SLFN13: variants seen among roughly 807,000 people sequenced by gnomAD.
The protein encoded by SLFN13 is schlafen-13.
A neutral mutation model predicts 50.6 loss-of-function variants in SLFN13; 43 were observed. The observed-to-expected ratio is 0.85, with a 90% confidence interval of 0.67 to 1.09. SLFN13 has a LOEUF of 1.09. SLFN13 is among the 50% of genes least tolerant of loss of function. The pLI, the probability that SLFN13 is intolerant of heterozygous loss-of-function variation, is 0.00. For missense variants in SLFN13, 881 were observed against 1,071.1 expected, an observed-to-expected ratio of 0.82 and a Z score of 2.48; for synonymous variants, 339 against 386.5, an observed-to-expected ratio of 0.88 and a Z score of 1.44.
rs1912620425 is a variant in SLFN13, at chr17:35,435,358, G to GA, written c.*5236_*5237insT. ...TAGCCCACTGCAGCCTTCACCTCCTGGGCTCCAGTGATCCTCTCACCTCAG... is the reference window on the plus strand; with the variant it reads ...TAGCCCACTGCAGCCTTCACCTCCTGAGGCTCCAGTGATCCTCTCACCTCAG... On this transcript the variant is annotated 3_prime_UTR_variant, in exon 6 of 6. Transcript: ENST00000285013. The GA allele has an allele frequency of 6.6e-6, 1 of 152,020 alleles. No individual in the cohort carries two copies. The highest frequency in any genetic ancestry group is 1.5e-5 in the Non-Finnish European group (1 of 68,022). The allele number at this position is 152,020 out of a possible 1,614,324, so 9.4% of individuals were successfully genotyped here.
At chr17:35,442,737 C>T (rs1912989735) in intron 4 of SLFN13, among the ~76,000 whole-genome samples, 1 of 152,208 alleles carries the variant, frequency 6.6e-6, no homozygotes, top group East Asian at 1.9e-4. Context: ...GCCACCACGC[C>T]TTGCCTGGTG....
In SLFN13 at chr17:35,444,713, A is replaced by G; in HGVS notation, c.968T>C (p.Val323Ala). 2 of 1,614,226 alleles carry G rather than the reference A, an allele frequency of 1.2e-6. No homozygotes were observed. The highest frequency in any genetic ancestry group is 1.7e-6 in the Non-Finnish European group (2 of 1,180,030). ...CCATGACTTGGGAGCTTCCGAGAAC[A>G]CCACACAACAGAATGCCTTCACTTT... is the stretch of plus-strand genomic sequence containing the variant. ...VIKVKAFCCV[V>A]FSEAPKSWMV... is the part of the protein sequence containing the mutation. The change falls in exon 3 of 6, where the codon GTG becomes GCG. Residue 323 changes from valine to alanine, a missense_variant. Coordinates refer to ENST00000285013, the MANE Select transcript of SLFN13 (RefSeq NM_144682.6).
intron 5 of SLFN13, 31 bp downstream of exon 5, chr17:35,441,532 A>G: frequency 6.2e-7 from 1 of 1,611,426 alleles, no homozygotes; most frequent in Non-Finnish European, 8.5e-7. Flanking sequence ...AGATTAAATA[A>G]AACTTAAAGA....
chr17:35,446,641 T>C (rs1913229572), intron 2 of SLFN13: 1 of 152,218 alleles, frequency 6.6e-6, no homozygotes, highest in Admixed American at 6.5e-5. Flanking sequence ...CAAAGGAACC[T>C]ATATTAATTG....
At position 35,441,590 on chromosome 17, in the gene SLFN13, T is replaced by C; in HGVS notation, c.1895A>G (p.Glu632Gly). The C allele has an allele frequency of 1.2e-6, 2 of 1,602,312 alleles. No individual in the cohort carries two copies. Among genetic ancestry groups the C allele is most frequent in the East Asian group, 4.5e-5 (2 of 44,844 alleles). The change falls in exon 5 of 6, where the codon GAA becomes GGA. Residue 632 changes from glutamate (E) to glycine (G), a missense_variant. By Grantham distance (98) the Glu-to-Gly change is moderately conservative. This residue lies in a region of SLFN13 where 322 missense variants were observed against 327.4 expected (regional missense o/e 0.98). Coordinates refer to ENST00000285013, the MANE Select transcript of SLFN13 (RefSeq NM_144682.6). The stretch of plus-strand genomic sequence containing the variant: ...GATAAAGTTCCTCAGAGGCTGGTTT[T>C]CACAAACGTAGAGAATTCTGTGTGC... ...CEAHRILYVC[E>G]NQPLRNFISD... is the part of the protein sequence containing the mutation.
At position 35,436,015 on chromosome 17, in the gene SLFN13, T is replaced by C. The variant is rs1912635839; in HGVS notation, c.*4580A>G. 6.6e-6 allele frequency: 1 copy of C among 152,148 alleles called. No homozygotes were observed. Among genetic ancestry groups the C allele is most frequent in the Admixed American group, 6.5e-5 (1 of 15,286 alleles). 9.4% of individuals were successfully genotyped at this position (152,148 alleles called of 1,614,324 possible). ...GGTGTATTATCACTTTTACAAATTG[T>C]TGGATTTTGTTTGCTAAAATTTTGT... On this transcript the variant is annotated 3_prime_UTR_variant, in exon 6 of 6. Transcript: ENST00000285013.
upstream of SLFN13, among the ~76,000 whole-genome samples, chr17:35,449,132 G>A (rs1464812599): frequency 1.3e-5 from 2 of 151,854 alleles, no homozygotes; most frequent in Non-Finnish European, 2.9e-5. Context: ...TCAGATGCCC[G>A]GGAGGCTGAG....
At position 35,440,547 on chromosome 17, in the gene SLFN13, T is replaced by G; in HGVS notation, c.*48A>C. The G allele has an allele frequency of 6.3e-7, 1 of 1,591,106 alleles. No individual in the cohort carries two copies. The highest frequency in any genetic ancestry group is 8.6e-7 in the Non-Finnish European group (1 of 1,163,814). On this transcript the variant is annotated 3_prime_UTR_variant, in exon 6 of 6. Transcript: ENST00000285013. The stretch of plus-strand genomic sequence containing the variant: ...TCTACCATCAGCAGACTGTCACCCA[T>G]AGACATTTACACAGTATTTTGGTTT...
At position 35,441,361 on chromosome 17, in the gene SLFN13, C is replaced by T. The variant is rs887910799; in HGVS notation, c.1928G>A (p.Arg643Lys). 5.6e-6 allele frequency: 9 copies of T among 1,594,858 alleles called. No individual in the cohort carries two copies. In the East Asian group the frequency reaches 1.8e-4, roughly 32 times the overall value. The change falls in exon 6 of 6, where the codon AGA (arginine) becomes AAA (lysine). Residue 643 changes from arginine (R) to lysine (K), a missense_variant. Transcript: ENST00000285013. ...CCGGGTCTCTGCTCGGCAGATATTT[C>T]TATCACTGTAAAAATTAAAAGAATA... ...NQPLRNFISDRNICRAETRET... is the reference protein window; with the variant it reads ...NQPLRNFISDKNICRAETRET...
In SLFN13 at chr17:35,440,764, C is replaced by T. The variant is rs186998726; in HGVS notation, c.2525G>A (p.Cys842Tyr). The change falls in exon 6 of 6, where the codon TGT (cysteine) becomes TAT (tyrosine). Residue 842 changes from cysteine to tyrosine, a missense_variant. By Grantham distance (194) the Cys-to-Tyr change is radical. Around this residue, in one of 5 missense-constraint regions of SLFN13, gnomAD observed 322 missense variants for 327.4 expected, o/e 0.98. Coordinates refer to ENST00000285013, the MANE Select transcript of SLFN13 (RefSeq NM_144682.6). ...KKMVVQLSDA[C>Y]DMLGVHIVLD... is the part of the protein sequence containing the mutation. Reference sequence around the variant, plus strand: ...CACAATGTGCACACCCAACATATCACATGCATCACTGAGCTGCACCACCAT... The same window carrying T: ...CACAATGTGCACACCCAACATATCATATGCATCACTGAGCTGCACCACCAT... 21 of 1,614,108 alleles carry T rather than the reference C, an allele frequency of 1.3e-5. No individual in the cohort carries two copies. The Admixed American group carries it at 2.3e-4, about 18-fold the overall frequency.
In SLFN13 at chr17:35,438,801, T is replaced by C. The variant is rs1021681359; in HGVS notation, c.*1794A>G. 10 of 152,292 alleles carry C rather than the reference T, an allele frequency of 6.6e-5. No individual in the cohort carries two copies. The highest frequency in any genetic ancestry group is 4.1e-4 in the South Asian group (2 of 4,832). 9.4% of individuals were successfully genotyped at this position (152,292 alleles called of 1,614,324 possible). A position where few individuals can be genotyped will look rare whatever the true frequency, so the allele number is the denominator to read the frequency against. On this transcript the variant is annotated 3_prime_UTR_variant, in exon 6 of 6. Transcript: ENST00000285013. ...GAATATTGGGCATGTGGTTTCTTAA[T>C]TTTCATTAGTTATGCAAATATTTTA...
intron 3 of SLFN13, 147 bp downstream of exon 3, chr17:35,444,468 T>C (rs937827518): frequency 1.3e-6 from 1 of 744,000 alleles, no homozygotes; most frequent in South Asian, 2.5e-5. Flanking sequence ...TCTCACCCAA[T>C]AAAACTTCCC....
In SLFN13 at chr17:35,440,820, C is replaced by T. The variant is rs746216525; in HGVS notation, c.2469G>A (p.Gln823=). ...TCCTCATTGCTTTCAAGAGCTTAGA[C>T]TGATACTGCTCCACTTCTGTCACGG... ...VSTVTEVEQY[Q]SKLLKAMRKK... The change falls in exon 6 of 6, where the codon CAG becomes CAA. Residue 823 remains glutamine (Q), a synonymous_variant. Transcript: ENST00000285013. The T allele has an allele frequency of 6.8e-6, 11 of 1,614,130 alleles. No homozygotes were observed. Among genetic ancestry groups the T allele is most frequent in the Middle Eastern group, 1.6e-4 (1 of 6,062 alleles).
At chr17:35,443,211 G>A (rs1232737127) in intron 4 of SLFN13, among the ~76,000 whole-genome samples, 4 of 152,076 alleles carry the variant, frequency 2.6e-5, no homozygotes, top group African/African-American at 9.7e-5. Flanking sequence ...CAGGGAGAGG[G>A]GTTACATAAC....
Position 35,440,076 on chromosome 17 carries a change from T to C in SLFN13, c.*519A>G, listed in dbSNP as rs528332734. The C allele has an allele frequency of 8.0e-4, 123 of 154,216 alleles. No homozygotes were observed. Among genetic ancestry groups the C allele is most frequent in the Non-Finnish European group, 1.5e-3 (104 of 69,582 alleles). 9.6% of individuals were successfully genotyped at this position (154,216 alleles called of 1,614,324 possible). A position where few individuals can be genotyped will look rare whatever the true frequency, so the allele number is the denominator to read the frequency against. ...GACAGTGACTGAATTATCTTGGGAC[T>C]CTCCCAAGCCCTAAATGAATACAGC... is the stretch of plus-strand genomic sequence containing the variant. On this transcript the variant is annotated 3_prime_UTR_variant, in exon 6 of 6. Transcript: ENST00000285013.
rs749695121 is a variant in SLFN13, at chr17:35,443,878, C to T, written c.1109G>A (p.Ser370Asn). The T allele has an allele frequency of 6.2e-7, 1 of 1,613,906 alleles. No individual in the cohort carries two copies. Among genetic ancestry groups the T allele is most frequent in the Non-Finnish European group, 8.5e-7 (1 of 1,179,792 alleles). Residue 370 changes from serine (S) to asparagine (N), a missense_variant, in exon 4 of 6, where the codon AGT becomes AAT. Coordinates refer to ENST00000285013, the MANE Select transcript of SLFN13 (RefSeq NM_144682.6). ...DFAEAFESQL[S>N]LSDSPSLCRP... ...GCAAAGTGAAGGACTGTCAGATAGA[C>T]TCAACTGAGACTCAAAGGCCTCAGC...
intron 4 of SLFN13, among the ~76,000 whole-genome samples, chr17:35,443,358 C>G (rs1298571096): frequency 6.6e-6 from 1 of 152,028 alleles, no homozygotes; most frequent in Non-Finnish European, 1.5e-5. Context: ...GTTTTTATTC[C>G]TTTTACAGAC....
Position 35,438,932 on chromosome 17 carries a change from G to C in SLFN13, c.*1663C>G, listed in dbSNP as rs558349546. 1 of 151,908 alleles carries C rather than the reference G, an allele frequency of 6.6e-6. No homozygotes were observed. Among genetic ancestry groups the C allele is most frequent in the East Asian group, 1.9e-4 (1 of 5,196 alleles). The allele number at this position is 151,908 out of a possible 1,614,324, so 9.4% of individuals were successfully genotyped here. A position where few individuals can be genotyped will look rare whatever the true frequency, so the allele number is the denominator to read the frequency against. ...TATCAGTGTTTTTAGTTTGATGAATGATCATACAGCTGTGTTCTCAGGCTG... is the reference window on the plus strand; with the variant it reads ...TATCAGTGTTTTTAGTTTGATGAATCATCATACAGCTGTGTTCTCAGGCTG... On this transcript the variant is annotated 3_prime_UTR_variant, in exon 6 of 6. Coordinates refer to ENST00000285013, the MANE Select transcript of SLFN13 (RefSeq NM_144682.6).
chr17:35,445,062 GA>G lies in SLFN13; in HGVS notation c.618del (p.Pro207LeufsTer6). 6.2e-7 allele frequency: 1 copy of G among 1,614,022 alleles called. No individual in the cohort carries two copies. The highest frequency in any genetic ancestry group is 8.5e-7 in the Non-Finnish European group (1 of 1,180,030). ...TTAAACTCTATGGATGGAGACTCAG[GA>G]AAAGATAGGATTTCACCATATTCAA... ...DTIEYGEILS[F>X]PESPSIEFKQ... is the part of the protein sequence containing the mutation. On this transcript the variant is annotated frameshift_variant, in exon 3 of 6. Coordinates refer to ENST00000285013, the MANE Select transcript of SLFN13 (RefSeq NM_144682.6). LOFTEE classifies it high-confidence loss of function.
Sources: allele counts gnomAD v4.1 joint callset (sites outside exome capture counted in the v4.1 genomes callset), GRCh38; gene constraint gnomAD v4.1.1; regional missense constraint gnomAD v4.1.1; transcripts MANE v1.5; gene names NCBI Gene and HGNC (gene_info 2026-07-23, HGNC 2026-07-21).